Variants in APBB2 observed in about 807,000 individuals in gnomAD.
APBB2 encodes the protein Fe65-like 1.
APBB2 carries 38 observed loss-of-function variants against 82.5 expected under a neutral mutation model. The observed-to-expected ratio is 0.46, with a 90% CI of 0.36 to 0.60. The LOEUF (loss-of-function observed/expected upper bound fraction) is 0.60, where lower values mean the gene tolerates loss of function less well. Ranked by LOEUF, APBB2 falls within the 20% of genes least tolerant of loss-of-function variation. The probability of loss-of-function intolerance (pLI) is 0.00; values close to 1 mark genes in which losing one functional copy is unlikely to be tolerated. For missense variants in APBB2, 772 were observed against 972.3 expected (o/e 0.79, Z 2.74); for synonymous variants, 341 against 368.2 (o/e 0.93, Z 0.85).
chr4:40,890,775 C>G, intron 11 of APBB2: 1 of 287,076 alleles, frequency 3.5e-6, no homozygotes, highest in Middle Eastern at 1.0e-3. Flanking sequence ...TGAATCTTTA[C>G]GACAAAAGGC....
intron 1 of APBB2, among the ~76,000 whole-genome samples, chr4:41,156,883 T>C (rs980703515): frequency 1.3e-5 from 2 of 151,894 alleles, no homozygotes. Context: ...CGGACTAACA[T>C]GGGAAAACCC....
At chr4:40,970,405 T>A (rs529555666) in intron 6 of APBB2, among the ~76,000 whole-genome samples, 1 of 152,226 alleles carries the variant, frequency 6.6e-6, no homozygotes, top group East Asian at 1.9e-4. Flanking sequence ...CTCCTCAGAA[T>A]CAATTTCCTC....
At chr4:40,860,995 A>G (rs1184771870) in intron 12 of APBB2, among the ~76,000 whole-genome samples, 1 of 152,172 alleles carries the variant, frequency 6.6e-6, no homozygotes, top group Non-Finnish European at 1.5e-5. Flanking sequence ...AGCATTAAGT[A>G]GTAATAAAAT....
chr4:40,989,932 A>G (rs1443633556), intron 6 of APBB2, among the ~76,000 whole-genome samples: 1 of 152,210 alleles, frequency 6.6e-6, no homozygotes, highest in African/African-American at 2.4e-5. Context: ...CTCAACTGGG[A>G]AAGAAAAGAA....
intron 12 of APBB2, among the ~76,000 whole-genome samples, chr4:40,866,934 C>T (rs1233413353): frequency 6.6e-6 from 1 of 152,028 alleles, no homozygotes; most frequent in African/African-American, 2.4e-5. Context: ...TGCAGTTTCC[C>T]GTGCAGAGAT....
At chr4:41,087,368 T>C (rs149540303) in intron 3 of APBB2, among the ~76,000 whole-genome samples, 6 of 152,276 alleles carry the variant, frequency 3.9e-5, no homozygotes, top group African/African-American at 1.2e-4. Flanking sequence ...ATCTATAAAG[T>C]ATATTCAACA....
intron 10 of APBB2, among the ~76,000 whole-genome samples, chr4:40,897,739 AAAG>A (rs1359417165): frequency 4.6e-5 from 7 of 152,152 alleles, no homozygotes; most frequent in Non-Finnish European, 7.3e-5. Context: ...GCTTCTTCCC[AAAG>A]AAGGGAGCAG....
At chr4:40,913,756 A>AAATCACTT (rs1779154877) in intron 10 of APBB2, among the ~76,000 whole-genome samples, 1 of 151,876 alleles carries the variant, frequency 6.6e-6, no homozygotes, top group Non-Finnish European at 1.5e-5. Context: ...CTTTTTTCAC[A>AAATCACTT]TTTTCGTGCC....
intron 6 of APBB2, among the ~76,000 whole-genome samples, chr4:40,959,288 T>C (rs553999254): frequency 6.6e-6 from 1 of 152,350 alleles, no homozygotes; most frequent in South Asian, 2.1e-4. Context: ...TGAATCTTTC[T>C]TTGGCTTCCA....
chr4:41,109,352 G>A (rs1219437580), intron 2 of APBB2, among the ~76,000 whole-genome samples: 2 of 151,392 alleles, frequency 1.3e-5, no homozygotes, highest in East Asian at 2.0e-4. Flanking sequence ...GTGCAGTGAC[G>A]CCATCTTGGC....
At chr4:41,141,296 T>C (rs73810840) in intron 2 of APBB2, among the ~76,000 whole-genome samples, 8,626 of 151,476 alleles carry the variant, frequency 0.057, 529 homozygotes, top group African/African-American at 0.15. Context: ...GAATTGCAGG[T>C]CAAAAATATG....
At chr4:41,019,333 G>A (rs1332638266) in intron 5 of APBB2, among the ~76,000 whole-genome samples, 1 of 152,176 alleles carries the variant, frequency 6.6e-6, no homozygotes, top group African/African-American at 2.4e-5. Context: ...GAGAAGAGAA[G>A]GGACAAGACC....
intron 1 of APBB2, among the ~76,000 whole-genome samples, chr4:41,192,102 C>A (rs1183030937): frequency 1.3e-5 from 2 of 152,178 alleles, no homozygotes; most frequent in African/African-American, 4.8e-5. Context: ...ACCTCACACC[C>A]ATTAGGAATG....
intron 5 of APBB2, among the ~76,000 whole-genome samples, chr4:41,032,813 T>C (rs1348317813): frequency 2.5e-5 from 3 of 119,716 alleles, no homozygotes; most frequent in African/African-American, 8.6e-5. Flanking sequence ...GAGACGGAGT[T>C]TCGCTCTGTC....
At chr4:41,201,514 C>G (rs1776692117) in intron 1 of APBB2, among the ~76,000 whole-genome samples, 1 of 152,300 alleles carries the variant, frequency 6.6e-6, no homozygotes, top group Admixed American at 6.5e-5. Context: ...CATGTTATCA[C>G]AGTAAACCCT....
intron 10 of APBB2, among the ~76,000 whole-genome samples, chr4:40,918,029 C>T (rs1291242579): frequency 6.6e-6 from 1 of 152,260 alleles, no homozygotes; most frequent in Non-Finnish European, 1.5e-5. Flanking sequence ...CAATGCAATA[C>T]AGCTTCCCAT....
chr4:41,125,504 C>T (rs913087086), intron 2 of APBB2, among the ~76,000 whole-genome samples: 7 of 152,242 alleles, frequency 4.6e-5, no homozygotes, highest in African/African-American at 1.4e-4. Context: ...ATTTATGCCT[C>T]TCATTTTCTT....
intron 6 of APBB2, among the ~76,000 whole-genome samples, chr4:40,984,298 A>G (rs1346166445): frequency 6.6e-6 from 1 of 152,202 alleles, no homozygotes; most frequent in Admixed American, 6.5e-5. Context: ...ACAAAAGTTC[A>G]TGTGACTGAG....
intron 16 of APBB2, 83 bp from the exon 17 acceptor site, chr4:40,822,133 G>A (rs1488015305): frequency 1.3e-6 from 2 of 1,513,740 alleles, no homozygotes; most frequent in African/African-American, 2.8e-5. Flanking sequence ...CTGGCATTCA[G>A]AAAGTATAGC....
Sources: gnomAD v4.1 joint callset for allele counts (sites outside exome capture counted in the v4.1 genomes callset) on GRCh38, gnomAD v4.1.1 for gene constraint, MANE v1.5 for transcripts, NCBI Gene and HGNC (gene_info 2026-07-23, HGNC 2026-07-21) for gene names.